VAV2: variants seen among roughly 807,000 people sequenced by gnomAD.
VAV2 encodes the protein guanine nucleotide exchange factor VAV2.
VAV2 carries 67 observed loss-of-function variants against 132.5 expected under a neutral mutation model. The observed-to-expected ratio is 0.51, with a 90% CI of 0.42 to 0.62. The LOEUF (loss-of-function observed/expected upper bound fraction) is 0.62. Ranked by LOEUF, VAV2 falls within the 20% of genes least tolerant of loss-of-function variation. The pLI is 0.00. For synonymous variants in VAV2, 492 were observed against 443.5 expected, an observed-to-expected ratio of 1.11 and a Z score of -1.37; for missense variants, 938 against 1,153.6, an observed-to-expected ratio of 0.81 and a Z score of 2.71.
rs548438263 is a variant in VAV2 at position 133,931,895 on chromosome 9, C to T, written c.321+7208G>A. On this transcript the variant is annotated intron_variant, in intron 2 of 29. Coordinates refer to ENST00000371850, the MANE Select transcript of VAV2 (RefSeq NM_001134398.2). ...CCCAAGAAACTCACAGCCATGTTACCGTGCACCAGTTGCTTAGGTGGGGAT... is the reference window on the plus strand; with the variant it reads ...CCCAAGAAACTCACAGCCATGTTACTGTGCACCAGTTGCTTAGGTGGGGAT... Among the ~76,000 whole-genome samples, 3 of 152,304 alleles carry T rather than the reference C, an allele frequency of 2.0e-5. No homozygotes were observed. The South Asian group carries it at 6.2e-4, about 32-fold the overall frequency.
At chr9:133,990,305 G>A (rs1470697106) in intron 1 of VAV2, among the ~76,000 whole-genome samples, 2 of 152,124 alleles carry the variant, frequency 1.3e-5, no homozygotes, top group Non-Finnish European at 2.9e-5. Context: ...AGGGCTCAAG[G>A]GGCCTCTGTC....
At chr9:133,951,670 A>T (rs1353585847) in intron 1 of VAV2, among the ~76,000 whole-genome samples, 3 of 152,112 alleles carry the variant, frequency 2.0e-5, no homozygotes, top group Non-Finnish European at 4.4e-5. Flanking sequence ...TCATACCCAC[A>T]GCAGCTGACA....
chr9:133,850,602 G>A (rs981375710), intron 3 of VAV2, among the ~76,000 whole-genome samples: 3 of 152,226 alleles, frequency 2.0e-5, no homozygotes, highest in African/African-American at 4.8e-5. Context: ...CATCTGTAAC[G>A]GGAGGGAATG....
intron 1 of VAV2, among the ~76,000 whole-genome samples, chr9:133,965,542 C>A (rs898859034): frequency 1.4e-5 from 2 of 144,246 alleles, no homozygotes; most frequent in Admixed American, 6.9e-5. Context: ...ATAACAGCTA[C>A]AAAATAATTA....
intron 1 of VAV2, among the ~76,000 whole-genome samples, chr9:133,972,851 G>A (rs879389084): frequency 7.9e-5 from 12 of 152,166 alleles, no homozygotes; most frequent in South Asian, 2.1e-4. Context: ...GAGATCTCAC[G>A]TGCCCACTGG....
intron 2 of VAV2, among the ~76,000 whole-genome samples, chr9:133,937,369 G>A (rs1425888078): frequency 6.6e-6 from 1 of 150,624 alleles, no homozygotes; most frequent in Non-Finnish European, 1.5e-5. Flanking sequence ...ATGTGTGTTT[G>A]TGTGTGGTGT....
At chr9:133,767,518 C>A (rs1286893381) in intron 29 of VAV2, among the ~76,000 whole-genome samples, 1 of 152,196 alleles carries the variant, frequency 6.6e-6, no homozygotes, top group Non-Finnish European at 1.5e-5. Flanking sequence ...CAGCTTCAGG[C>A]ACTTTTAATG....
At chr9:133,859,783 T>G (rs938256495) in intron 3 of VAV2, among the ~76,000 whole-genome samples, 9 of 152,194 alleles carry the variant, frequency 5.9e-5, no homozygotes. Flanking sequence ...CCAGAAATGA[T>G]ACTTTTAAAA....
At position 133,912,186 on chromosome 9, in the gene VAV2, C is replaced by T. The variant is rs759177328; in HGVS notation, c.321+26917G>A. ...ACTTAGATCAGCTGCGGCTACAGTC[C>T]CGGCCTCCAACACACGTGGGAGAAG... On this transcript the variant is annotated intron_variant, in intron 2 of 29. Coordinates refer to ENST00000371850, the MANE Select transcript of VAV2 (RefSeq NM_001134398.2). The surrounding 1 kb of genome is among the most constrained non-coding windows in gnomAD (Gnocchi z 4.3). Among the ~76,000 whole-genome samples the T allele has an allele frequency of 2.0e-5, 3 of 152,178 alleles. No individual in the cohort carries two copies. The highest frequency in any genetic ancestry group is 4.4e-5 in the Non-Finnish European group (3 of 68,038).
At chr9:133,770,248 G>A in intron 27 of VAV2, 130 bp downstream of exon 27, 1 of 1,415,992 alleles carries the variant, frequency 7.1e-7, no homozygotes, top group Non-Finnish European at 9.5e-7. Context: ...CTGGGGGAGG[G>A]GCGGGGGCTG....
At chr9:133,930,623 G>A (rs111288687) in intron 2 of VAV2, among the ~76,000 whole-genome samples, 4,555 of 152,350 alleles carry the variant, frequency 0.03, 109 homozygotes, top group Non-Finnish European at 0.043. Flanking sequence ...ACCTGAGGAT[G>A]CCCCCAGCTC....
At chr9:133,793,314 A>AGCCAGG (rs1344939022) in intron 12 of VAV2, among the ~76,000 whole-genome samples, 1 of 151,546 alleles carries the variant, frequency 6.6e-6, no homozygotes, top group Non-Finnish European at 1.5e-5. Flanking sequence ...GCAAGTGACC[A>AGCCAGG]GCCAGGGCCA....
chr9:133,887,981 C>A (rs563473331), intron 2 of VAV2, among the ~76,000 whole-genome samples: 2 of 152,248 alleles, frequency 1.3e-5, no homozygotes, highest in Non-Finnish European at 2.9e-5. Context: ...CCACCAGGAA[C>A]CCCCAGTTCC....
intron 1 of VAV2, among the ~76,000 whole-genome samples, chr9:133,986,038 G>A (rs948760279): frequency 4.6e-5 from 7 of 152,016 alleles, no homozygotes; most frequent in African/African-American, 1.7e-4. Context: ...AGGAAGGAAA[G>A]GAGGGAGAAA....
rs1833763090 is a variant in VAV2 at position 133,774,986 on chromosome 9, T to C, written c.2084A>G (p.Tyr695Cys). The change falls in exon 25 of 30, where the codon TAC becomes TGC. Residue 695 changes from tyrosine to cysteine, a missense_variant. Coordinates refer to ENST00000371850, the MANE Select transcript of VAV2 (RefSeq NM_001134398.2). ...NLLKSHASGT[Y>C]LIRERPAEAE... ...CTCGGCAGGCCGCTCCCTGATCAGGTAGGTCCCGCTGGCGTGGGACTTGAG... is the reference window on the plus strand; with the variant it reads ...CTCGGCAGGCCGCTCCCTGATCAGGCAGGTCCCGCTGGCGTGGGACTTGAG... The C allele has an allele frequency of 7.4e-6, 12 of 1,613,454 alleles. No individual in the cohort carries two copies. The highest frequency in any genetic ancestry group is 1.1e-5 in the South Asian group (1 of 91,084).
intron 2 of VAV2, among the ~76,000 whole-genome samples, chr9:133,900,285 G>T (rs1391876897): frequency 1.3e-5 from 2 of 152,034 alleles, no homozygotes; most frequent in East Asian, 3.8e-4. Flanking sequence ...CACTCCTGAG[G>T]CCCCCTGGTA....
chr9:133,907,661 T>C (rs1318333218), intron 2 of VAV2, among the ~76,000 whole-genome samples: 1 of 152,190 alleles, frequency 6.6e-6, no homozygotes, highest in Admixed American at 6.5e-5. Context: ...ATTTCCTAGA[T>C]CCACCGCCAT....
At chr9:133,966,053 T>C (rs552695494) in intron 1 of VAV2, among the ~76,000 whole-genome samples, 3 of 152,196 alleles carry the variant, frequency 2.0e-5, no homozygotes, top group Admixed American at 6.5e-5. Context: ...CTCTAATAAA[T>C]GGTGATAGGT....
At chr9:133,805,585 T>C (rs1835101843) in intron 9 of VAV2, among the ~76,000 whole-genome samples, 1 of 150,852 alleles carries the variant, frequency 6.6e-6, no homozygotes, top group South Asian at 2.1e-4. Context: ...GGGCATCGTC[T>C]AAGCTCCAGA....
Sources: allele counts gnomAD v4.1 joint callset (sites outside exome capture counted in the v4.1 genomes callset), GRCh38; gene constraint gnomAD v4.1.1; non-coding constraint Gnocchi (gnomAD v3.1); transcripts MANE v1.5; gene names NCBI Gene and HGNC (gene_info 2026-07-23, HGNC 2026-07-21).